PRSS12: variants seen among roughly 807,000 people sequenced by gnomAD.
PRSS12 encodes neurotrypsin.
Under a neutral mutation model 104.4 loss-of-function variants are expected in PRSS12, and 85 were observed. The observed-to-expected ratio is 0.81, with a 90% CI of 0.68 to 0.98. The LOEUF (loss-of-function observed/expected upper bound fraction) is 0.98. Ranked by LOEUF, PRSS12 falls within the 50% of genes least tolerant of loss-of-function variation. The pLI is 0.00. For missense variants in PRSS12, 1,141 were observed against 1,139.2 expected (o/e 1.00, Z -0.02); for synonymous variants, 454 against 425.2 (o/e 1.07, Z -0.83).
rs1436432494 is a variant in PRSS12, at chr4:118,280,745, G to A, written c.*1191C>T. The A allele has an allele frequency of 2.0e-5, 3 of 152,194 alleles. No individual in the cohort carries two copies. The highest frequency in any genetic ancestry group is 6.5e-5 in the Admixed American group (1 of 15,282). The allele number at this position is 152,194 out of a possible 1,614,324, so 9.4% of individuals were successfully genotyped here. On this transcript the variant is annotated 3_prime_UTR_variant, in exon 13 of 13. Coordinates refer to ENST00000296498, the MANE Select transcript of PRSS12 (RefSeq NM_003619.4). ...GTTAAGCAGCTATCCCTTAACTCTT[G>A]GAGAAATAGCCATAGGGAAACCAAT... is the stretch of plus-strand genomic sequence containing the variant.
chr4:118,352,508 C>T lies in PRSS12; in HGVS notation c.213G>A (p.Ala71=), dbSNP rs1347801795. ...GGGCGTGCGGGCGCTGGGCAGGGAG[C>T]GCCCGCGGGGGGCGCGGGAAGCGCG... ...PLPRFPRPPR[A]LPAQRPHALQ... is the part of the protein sequence containing the mutation. Residue 71 remains alanine, a synonymous_variant, in exon 1 of 13, where the codon GCG becomes GCA. Coordinates refer to ENST00000296498, the MANE Select transcript of PRSS12 (RefSeq NM_003619.4). 1 of 1,436,250 alleles carries T rather than the reference C, an allele frequency of 7.0e-7. No homozygotes were observed. The highest frequency in any genetic ancestry group is 2.6e-5 in the Admixed American group (1 of 38,562). The allele number at this position is 1,436,250 out of a possible 1,614,324, so 89.0% of individuals were successfully genotyped here. A position where few individuals can be genotyped will look rare whatever the true frequency, so the allele number is the denominator to read the frequency against.
At chr4:118,302,828 T>C (rs1743435089) in intron 8 of PRSS12, among the ~76,000 whole-genome samples, 1 of 152,200 alleles carries the variant, frequency 6.6e-6, no homozygotes, top group African/African-American at 2.4e-5. Flanking sequence ...TCCTTTTTCT[T>C]AGGCAAAATT....
intron 4 of PRSS12, among the ~76,000 whole-genome samples, chr4:118,322,447 G>A (rs1014860619): frequency 6.6e-6 from 1 of 151,978 alleles, no homozygotes; most frequent in Non-Finnish European, 1.5e-5. Flanking sequence ...TTGGGAGGCT[G>A]CGGCAGGAGA....
chr4:118,289,760 C>T (rs998427518), intron 11 of PRSS12, among the ~76,000 whole-genome samples: 1 of 152,090 alleles, frequency 6.6e-6, no homozygotes, highest in Non-Finnish European at 1.5e-5. Context: ...CTATGAAATC[C>T]GGCAAAGGTA....
chr4:118,317,671 T>A (rs905102530), intron 5 of PRSS12, among the ~76,000 whole-genome samples: 2 of 152,216 alleles, frequency 1.3e-5, no homozygotes, highest in Non-Finnish European at 2.9e-5. Flanking sequence ...TAGAAGTATG[T>A]GAAGAGAATG....
Position 118,318,512 on chromosome 4 carries a change from G to C in PRSS12, c.1016C>G (p.Ser339Cys). The change falls in exon 5 of 13, where the codon TCT (serine) becomes TGT (cysteine). Residue 339 changes from serine to cysteine, a missense_variant. Physicochemically the swap from Ser to Cys is moderately radical, Grantham distance 112 (BLOSUM62 -1). Coordinates refer to ENST00000296498, the MANE Select transcript of PRSS12 (RefSeq NM_003619.4). ...TACTTCATCCAACATAACTGGGCCA[G>C]ACCCTTCCCCAAAATATGCCTGATG... ...AWHQAYFGEG[S>C]GPVMLDEVRC... 4 of 1,614,124 alleles carry C rather than the reference G, an allele frequency of 2.5e-6. No homozygotes were observed. Among genetic ancestry groups the C allele is most frequent in the Non-Finnish European group, 3.4e-6 (4 of 1,180,022 alleles).
intron 8 of PRSS12, among the ~76,000 whole-genome samples, chr4:118,304,769 C>T (rs1341165147): frequency 4.6e-5 from 7 of 151,966 alleles, no homozygotes; most frequent in East Asian, 3.9e-4. Context: ...ATAAATAATG[C>T]CTTTTACTTT....
intron 8 of PRSS12, among the ~76,000 whole-genome samples, chr4:118,300,419 T>C (rs762625966): frequency 1.1e-4 from 17 of 152,296 alleles, no homozygotes; most frequent in African/African-American, 4.1e-4. Context: ...TTTTAAAGTA[T>C]GCAAATACAA....
chr4:118,292,630 T>C (rs635389), intron 11 of PRSS12, among the ~76,000 whole-genome samples: 3,673 of 152,284 alleles, frequency 0.024, 73 homozygotes, highest in Non-Finnish European at 0.035. Context: ...ATTTGTTAAG[T>C]GAATGAATTA....
intron 4 of PRSS12, among the ~76,000 whole-genome samples, chr4:118,322,261 T>TA (rs1723647010): frequency 6.6e-6 from 1 of 152,046 alleles, no homozygotes; most frequent in African/African-American, 2.4e-5. Context: ...ATAAAACACT[T>TA]ACTATAGGCT....
rs1194960019 is a variant in PRSS12 at position 118,304,599 on chromosome 4, A to G, written c.1631+3837T>C. Among the ~76,000 whole-genome samples, 7 of 152,042 alleles carry G rather than the reference A, an allele frequency of 4.6e-5. 1 individual carries two copies. The South Asian group carries it at 1.0e-3, about 22-fold the overall frequency. ...CAAAAACAATGCTATATTGGAACAT[A>G]TGCTACTGGATCCACATAAAGTGTA... On this transcript the variant is annotated intron_variant, in intron 8 of 12. Coordinates refer to ENST00000296498, the MANE Select transcript of PRSS12 (RefSeq NM_003619.4).
At chr4:118,314,860 A>C (rs934459354) in intron 6 of PRSS12, among the ~76,000 whole-genome samples, 13 of 152,230 alleles carry the variant, frequency 8.5e-5, no homozygotes, top group African/African-American at 2.2e-4. Flanking sequence ...GAATCTCTCT[A>C]AATGTGAAAA....
chr4:118,347,968 G>C (rs1171666543), intron 1 of PRSS12, among the ~76,000 whole-genome samples: 1 of 152,194 alleles, frequency 6.6e-6, no homozygotes, highest in Non-Finnish European at 1.5e-5. Context: ...GGTAGCTCAT[G>C]CCTGTAATTC....
rs1742815463 is a variant in PRSS12 at position 118,280,479 on chromosome 4, T to C, written c.*1457A>G. 2 of 152,266 alleles carry C rather than the reference T, an allele frequency of 1.3e-5. No homozygotes were observed. Among genetic ancestry groups the C allele is most frequent in the Admixed American group, 1.3e-4 (2 of 15,288 alleles). The allele number at this position is 152,266 out of a possible 1,614,324, so 9.4% of individuals were successfully genotyped here. ...AGTAAAACTATAAAGCACCTTTAGG[T>C]TTGCACCAGTTATTACAGAAATGGG... On this transcript the variant is annotated 3_prime_UTR_variant, in exon 13 of 13. Transcript: ENST00000296498.
chr4:118,286,687 A>G (rs1743022327), intron 11 of PRSS12, among the ~76,000 whole-genome samples: 1 of 152,156 alleles, frequency 6.6e-6, no homozygotes, highest in Non-Finnish European at 1.5e-5. Context: ...ACATACATAC[A>G]CTCTCATCCC....
At chr4:118,322,561 A>AC (rs1481107424) in intron 4 of PRSS12, among the ~76,000 whole-genome samples, 1 of 151,840 alleles carries the variant, frequency 6.6e-6, no homozygotes, top group Non-Finnish European at 1.5e-5. Flanking sequence ...AAAAAAAAAA[A>AC]AAAATTACAA....
intron 9 of PRSS12, among the ~76,000 whole-genome samples, chr4:118,297,467 G>A (rs1050321598): frequency 2.6e-5 from 4 of 151,476 alleles, no homozygotes; most frequent in African/African-American, 9.7e-5. Flanking sequence ...GGAAAGAGCT[G>A]GCCAAATCAT....
intron 11 of PRSS12, among the ~76,000 whole-genome samples, chr4:118,288,219 T>C (rs1254389335): frequency 6.6e-6 from 1 of 152,250 alleles, no homozygotes; most frequent in Non-Finnish European, 1.5e-5. Flanking sequence ...AAGTTGTTTA[T>C]GTAAATGGTT....
intron 8 of PRSS12, among the ~76,000 whole-genome samples, chr4:118,299,721 TA>T (rs1182175931): frequency 1.5e-4 from 8 of 52,046 alleles, no homozygotes; most frequent in Non-Finnish European, 3.0e-4. Flanking sequence ...ATAAATAAAA[TA>T]AAATAAAATA....
Sources: allele counts gnomAD v4.1 joint callset (sites outside exome capture counted in the v4.1 genomes callset), GRCh38; gene constraint gnomAD v4.1.1; transcripts MANE v1.5; gene names NCBI Gene and HGNC (gene_info 2026-07-23, HGNC 2026-07-21).